Variants in RIN3 observed in about 807,000 individuals in gnomAD.
RIN3 encodes Ras and Rab interactor 3.
In RIN3, 54 loss-of-function variants were observed where a neutral mutation model predicts 76.3. The ratio of observed to expected loss-of-function variants is 0.71; its 90% CI spans 0.57 to 0.89. The LOEUF is 0.89. Ranked by LOEUF, RIN3 falls within the 40% of genes least tolerant of loss-of-function variation. RIN3 has a pLI of 0.00. For synonymous variants in RIN3, 576 were observed against 564.0 expected, an observed-to-expected ratio of 1.02 and a Z score of -0.30; for missense variants, 1,256 against 1,322.1, an observed-to-expected ratio of 0.95 and a Z score of 0.78.
intron 1 of RIN3, among the ~76,000 whole-genome samples, chr14:92,541,017 C>T (rs1431137629): frequency 2.6e-5 from 4 of 152,210 alleles, no homozygotes; most frequent in Admixed American, 6.5e-5. Flanking sequence ...AACTGGGGTT[C>T]ACATGGGAAG....
At chr14:92,597,432 T>G (rs1310308735) in intron 3 of RIN3, among the ~76,000 whole-genome samples, 1 of 151,982 alleles carries the variant, frequency 6.6e-6, no homozygotes, top group Non-Finnish European at 1.5e-5. Context: ...GTCAAGTGTT[T>G]TCCATGGTTT....
At chr14:92,601,234 T>A (rs1175233430) in intron 3 of RIN3, among the ~76,000 whole-genome samples, 1 of 152,276 alleles carries the variant, frequency 6.6e-6, no homozygotes, top group East Asian at 1.9e-4. Context: ...AATGTGGCTA[T>A]GAGAAAATTG....
At position 92,553,439 on chromosome 14, in the gene RIN3, G is replaced by A. The variant is rs117927683; in HGVS notation, c.45-2312G>A. Among the ~76,000 whole-genome samples, 1,002 of 152,238 alleles carry A rather than the reference G, an allele frequency of 6.6e-3. 6 individuals are homozygous for A. The highest frequency in any genetic ancestry group is 0.011 in the Non-Finnish European group (744 of 68,002). ...TGCTGGGACCACACTCAGGGCCTGG[G>A]AAGTGGTTGCATCAGTATCAGCCAG... On this transcript the variant is annotated intron_variant, in intron 1 of 9. Coordinates refer to ENST00000216487, the MANE Select transcript of RIN3 (RefSeq NM_024832.5).
At chr14:92,545,195 C>T (rs566152567) in intron 1 of RIN3, among the ~76,000 whole-genome samples, 4 of 150,210 alleles carry the variant, frequency 2.7e-5, no homozygotes, top group Admixed American at 6.6e-5. Context: ...CTGCAAGCTC[C>T]GCCTCCCGGG....
chr14:92,687,797 CA>C (rs1888919826), intron 9 of RIN3, 128 bp from the exon 10 acceptor site: 1 of 798,698 alleles, frequency 1.3e-6, no homozygotes, highest in African/African-American at 1.9e-5. Context: ...GGGAAAGGCG[CA>C]GGTGCCGGAC....
chr14:92,546,683 G>A (rs1595404124), intron 1 of RIN3, among the ~76,000 whole-genome samples: 2 of 80,314 alleles, frequency 2.5e-5, no homozygotes, highest in African/African-American at 3.6e-5. Context: ...TTATGATAGT[G>A]GGCGTAACTG....
chr14:92,575,252 A>T (rs1360149099), intron 2 of RIN3, among the ~76,000 whole-genome samples: 1 of 152,196 alleles, frequency 6.6e-6, no homozygotes, highest in African/African-American at 2.4e-5. Context: ...TCACCAGAGC[A>T]AGGTCAGGAC....
intron 3 of RIN3, among the ~76,000 whole-genome samples, chr14:92,604,622 G>C (rs775138820): frequency 1.4e-4 from 21 of 152,158 alleles, no homozygotes; most frequent in Non-Finnish European, 2.1e-4. Context: ...TCCTCCTGGG[G>C]CAATCCTAAT....
chr14:92,565,373 C>A (rs541946647), intron 2 of RIN3, among the ~76,000 whole-genome samples: 4 of 152,228 alleles, frequency 2.6e-5, no homozygotes, highest in Admixed American at 1.3e-4. Flanking sequence ...GGGAAGGGTT[C>A]TTGGACCTCA....
intron 1 of RIN3, among the ~76,000 whole-genome samples, chr14:92,528,720 C>T (rs914307257): frequency 2.0e-5 from 3 of 152,156 alleles, no homozygotes; most frequent in African/African-American, 4.8e-5. Context: ...CACTGTGTCC[C>T]GGGTGGAGTG....
chr14:92,587,674 G>A (rs555793262), intron 3 of RIN3, among the ~76,000 whole-genome samples: 27 of 152,044 alleles, frequency 1.8e-4, no homozygotes, highest in Non-Finnish European at 2.6e-4. Context: ...CAACTGTCTC[G>A]GGGGTCCAGA....
At chr14:92,529,494 C>T (rs765621462) in intron 1 of RIN3, among the ~76,000 whole-genome samples, 7 of 152,098 alleles carry the variant, frequency 4.6e-5, no homozygotes, top group Admixed American at 2.6e-4. Context: ...GTGATCCGCC[C>T]ACCTCGGCCT....
chr14:92,593,976 T>C (rs1885071336), intron 3 of RIN3, among the ~76,000 whole-genome samples: 2 of 152,138 alleles, frequency 1.3e-5, no homozygotes, highest in Admixed American at 1.3e-4. Flanking sequence ...AGTAAGAACA[T>C]AGTTGAATTC....
intron 8 of RIN3, 66 bp from the exon 9 acceptor site, chr14:92,684,921 C>T (rs1888793813): frequency 1.3e-6 from 2 of 1,547,154 alleles, no homozygotes; most frequent in African/African-American, 2.7e-5. Flanking sequence ...GTGGGGCAGG[C>T]CAAGCTCCTT....
intron 5 of RIN3, among the ~76,000 whole-genome samples, chr14:92,646,760 T>A (rs1002587942): frequency 6.6e-6 from 1 of 152,198 alleles, no homozygotes; most frequent in Non-Finnish European, 1.5e-5. Flanking sequence ...TGTTTTTAAC[T>A]GACAAGACCA....
chr14:92,683,857 T>C lies in RIN3; in HGVS notation c.2468-1130T>C, dbSNP rs76390321. ...TCTTAAAAATTATTTTTAGAATAGA[T>C]AATGCATTCACATGGCTCAAAATTC... On this transcript the variant is annotated intron_variant, in intron 8 of 9. Coordinates refer to ENST00000216487, the MANE Select transcript of RIN3 (RefSeq NM_024832.5). Among the ~76,000 whole-genome samples, 544 of 152,348 alleles carry C rather than the reference T, an allele frequency of 3.6e-3. 3 individuals are homozygous for C. The highest frequency in any genetic ancestry group is 0.013 in the African/African-American group (525 of 41,578).
Position 92,665,661 on chromosome 14 carries a change from G to A in RIN3, c.2335+6192G>A, listed in dbSNP as rs548109886. Among the ~76,000 whole-genome samples, 30 of 152,176 alleles carry A rather than the reference G, an allele frequency of 2.0e-4. No homozygotes were observed. The East Asian group carries it at 2.3e-3, about 12-fold the overall frequency. On this transcript the variant is annotated intron_variant, in intron 7 of 9. Coordinates refer to ENST00000216487, the MANE Select transcript of RIN3 (RefSeq NM_024832.5). The stretch of plus-strand genomic sequence containing the variant: ...CTCTCAAAGTGCTGGGATTACAAGC[G>A]TGAGCCACCGCGCCTGGACTCTTTG...
chr14:92,582,718 G>A, intron 3 of RIN3, among the ~76,000 whole-genome samples: 1 of 152,134 alleles, frequency 6.6e-6, no homozygotes, highest in East Asian at 1.9e-4. Flanking sequence ...CTCCCAAAGT[G>A]TTGGGATTAC....
chr14:92,575,058 A>G (rs766180837), intron 2 of RIN3, among the ~76,000 whole-genome samples: 1 of 152,222 alleles, frequency 6.6e-6, no homozygotes, highest in Non-Finnish European at 1.5e-5. Flanking sequence ...AAGTGAGATC[A>G]TAGAATCTAA....
Sources: allele counts gnomAD v4.1 joint callset (sites outside exome capture counted in the v4.1 genomes callset), GRCh38; gene constraint gnomAD v4.1.1; transcripts MANE v1.5; gene names NCBI Gene and HGNC (gene_info 2026-07-23, HGNC 2026-07-21).